Variants in GPR176 observed in about 807,000 individuals in gnomAD.
GPR176 encodes G protein-coupled receptor 176.
A neutral mutation model predicts 35.4 loss-of-function variants in GPR176; 26 were observed. The ratio of observed to expected loss-of-function variants is 0.74; its 90% confidence interval spans 0.54 to 1.02. The LOEUF (loss-of-function observed/expected upper bound fraction) is 1.02. Ranked by LOEUF, GPR176 falls within the 50% of genes least tolerant of loss-of-function variation. The pLI is 0.00. For synonymous variants in GPR176, 278 were observed against 271.3 expected, an observed-to-expected ratio of 1.02 and a Z score of -0.24; for missense variants, 597 against 665.3, an observed-to-expected ratio of 0.90 and a Z score of 1.13.
intron 1 of GPR176, among the ~76,000 whole-genome samples, chr15:39,834,731 A>T (rs181747352): frequency 1.4e-3 from 218 of 152,302 alleles, no homozygotes; most frequent in Non-Finnish European, 2.6e-3. Flanking sequence ...CTAAAAACTA[A>T]AACAATTGAA....
intron 1 of GPR176, among the ~76,000 whole-genome samples, chr15:39,892,476 A>T (rs1256871152): frequency 6.6e-6 from 1 of 152,204 alleles, no homozygotes; most frequent in African/African-American, 2.4e-5. Flanking sequence ...TCACAAAAAG[A>T]TATGTTCATG....
At chr15:39,842,470 G>C (rs2030076568) in intron 1 of GPR176, among the ~76,000 whole-genome samples, 2 of 152,110 alleles carry the variant, frequency 1.3e-5, no homozygotes, top group African/African-American at 4.8e-5. Context: ...TTTGGGTGGG[G>C]ACACAGAGCC....
intron 1 of GPR176, among the ~76,000 whole-genome samples, chr15:39,902,863 A>T (rs2033317504): frequency 6.6e-6 from 1 of 152,222 alleles, no homozygotes; most frequent in South Asian, 2.1e-4. Context: ...TATTCTATAC[A>T]AGGCAGAGAT....
chr15:39,907,245 T>C (rs2033447863), intron 1 of GPR176, among the ~76,000 whole-genome samples: 1 of 152,254 alleles, frequency 6.6e-6, no homozygotes, highest in Non-Finnish European at 1.5e-5. Flanking sequence ...TCTGCTTTGC[T>C]CCTCTCCACC....
chr15:39,894,118 G>A (rs1435876972), intron 1 of GPR176, among the ~76,000 whole-genome samples: 2 of 92,998 alleles, frequency 2.2e-5, no homozygotes, highest in Admixed American at 1.0e-4. Flanking sequence ...GGACGGGGCG[G>A]CTGGCCAGGC....
At chr15:39,891,073 AC>A (rs1302554255) in intron 1 of GPR176, among the ~76,000 whole-genome samples, 1 of 148,482 alleles carries the variant, frequency 6.7e-6, no homozygotes, top group East Asian at 1.9e-4. Context: ...TAAAGATAAA[AC>A]AAACTACACA....
At chr15:39,900,613 G>A (rs553617405) in intron 1 of GPR176, among the ~76,000 whole-genome samples, 3 of 152,268 alleles carry the variant, frequency 2.0e-5, no homozygotes, top group Admixed American at 6.5e-5. Context: ...AAGCCAAACA[G>A]CCCTCAATTG....
intron 1 of GPR176, among the ~76,000 whole-genome samples, chr15:39,850,426 T>C (rs576123628): frequency 6.6e-6 from 1 of 152,326 alleles, no homozygotes; most frequent in Admixed American, 6.5e-5. Context: ...GGATATCCAT[T>C]ACCAATACCC....
intron 2 of GPR176, among the ~76,000 whole-genome samples, chr15:39,803,271 C>CTTTTTTTTTTT (rs769645892): frequency 1.2e-5 from 1 of 85,542 alleles, no homozygotes; most frequent in Non-Finnish European, 2.3e-5. Context: ...ACAAGTACTT[C>CTTTTTTTTTTT]TTTTTTTTTT....
chr15:39,817,911 TA>T (rs1209124403), intron 1 of GPR176, among the ~76,000 whole-genome samples: 1 of 152,256 alleles, frequency 6.6e-6, no homozygotes, highest in African/African-American at 2.4e-5. Context: ...TAAATAGCTC[TA>T]AAAAGGATTC....
chr15:39,867,607 G>A (rs377533160), intron 1 of GPR176, among the ~76,000 whole-genome samples: 1 of 152,146 alleles, frequency 6.6e-6, no homozygotes, highest in Non-Finnish European at 1.5e-5. Context: ...CAGCAGATGC[G>A]GGGTGGGGAG....
chr15:39,847,251 A>C (rs1013715748), intron 1 of GPR176, among the ~76,000 whole-genome samples: 4 of 152,216 alleles, frequency 2.6e-5, no homozygotes, highest in African/African-American at 9.6e-5. Flanking sequence ...AAAAAATAAA[A>C]TAGCAGACTT....
rs386382791 is a variant in GPR176 at position 39,897,599 on chromosome 15, A to ATTTTTTTT, written c.172+22248_172+22255dup. On this transcript the variant is annotated intron_variant, in intron 1 of 2. Transcript: ENST00000561100. The stretch of plus-strand genomic sequence containing the variant: ...GAGAGATCATGAGAAACATCCAAAT[A>ATTTTTTTT]TTTTTTTTTTTTTTTTTTTTTTTTT... Among the ~76,000 whole-genome samples the ATTTTTTTT allele has an allele frequency of 7.7e-4, 68 of 88,522 alleles. 3 individuals carry two copies. Among genetic ancestry groups the ATTTTTTTT allele is most frequent in the African/African-American group, 2.4e-3 (53 of 22,174 alleles). 58.1% of individuals were successfully genotyped at this position (88,522 alleles called of 152,430 possible). A position where few individuals can be genotyped will look rare whatever the true frequency, so the allele number is the denominator to read the frequency against.
intron 2 of GPR176, among the ~76,000 whole-genome samples, chr15:39,805,048 AT>A (rs1899105828): frequency 6.6e-6 from 1 of 152,220 alleles, no homozygotes; most frequent in African/African-American, 2.4e-5. Flanking sequence ...ATATATTAAA[AT>A]TCATTGACTT....
chr15:39,828,573 A>T (rs955303285), intron 1 of GPR176, among the ~76,000 whole-genome samples: 20 of 152,306 alleles, frequency 1.3e-4, no homozygotes, highest in African/African-American at 4.8e-4. Flanking sequence ...TGGCTGAGAG[A>T]GCAGCTTTAC....
At chr15:39,901,584 A>C (rs1018058439) in intron 1 of GPR176, among the ~76,000 whole-genome samples, 31 of 152,244 alleles carry the variant, frequency 2.0e-4, no homozygotes, top group African/African-American at 7.5e-4. Context: ...ACAACAACAA[A>C]AAAGTCTTCT....
At position 39,920,092 on chromosome 15, in the gene GPR176, T is replaced by TCAC; in HGVS notation, c.-67_-66insGTG. 8.9e-7 allele frequency: 1 copy of TCAC among 1,128,034 alleles called. No individual in the cohort carries two copies. Among genetic ancestry groups the TCAC allele is most frequent in the Non-Finnish European group, 1.1e-6 (1 of 876,444 alleles). The allele number at this position is 1,128,034 out of a possible 1,614,324, so 69.9% of individuals were successfully genotyped here. Reference sequence around the variant, plus strand: ...GAGCCCCGCGCGGAGCCTCTCCTCCTCCGGGTGAGGAGGGACGCGCGGGCG... The same window carrying TCAC: ...GAGCCCCGCGCGGAGCCTCTCCTCCTCACCCGGGTGAGGAGGGACGCGCGGGCG... On this transcript the variant is annotated 5_prime_UTR_variant, in exon 1 of 3. Transcript: ENST00000561100.
intron 1 of GPR176, among the ~76,000 whole-genome samples, chr15:39,908,691 C>T (rs1185631000): frequency 2.0e-5 from 3 of 152,130 alleles, no homozygotes; most frequent in Non-Finnish European, 4.4e-5. Flanking sequence ...TCACCCTCAC[C>T]TCTGCTTCTC....
At chr15:39,828,139 T>C (rs1263744578) in intron 1 of GPR176, among the ~76,000 whole-genome samples, 1 of 152,246 alleles carries the variant, frequency 6.6e-6, no homozygotes, top group Non-Finnish European at 1.5e-5. Context: ...TAAAAGTCTG[T>C]TGTTAAAATA....
Sources: allele counts gnomAD v4.1 joint callset (sites outside exome capture counted in the v4.1 genomes callset), GRCh38; gene constraint gnomAD v4.1.1; transcripts MANE v1.5; gene names NCBI Gene and HGNC (gene_info 2026-07-23, HGNC 2026-07-21).